The following PKIB variants were observed in gnomAD, a reference collection of about 807,000 sequenced individuals.
PKIB encodes the protein cAMP-dependent protein kinase inhibitor beta, also known as PKI-beta.
A neutral mutation model predicts 4.5 loss-of-function variants in PKIB; 2 were observed. The observed-to-expected ratio is 0.44, with a 90% CI of 0.18 to 1.39. PKIB has a LOEUF of 1.39. PKIB is among the 40% of genes most tolerant of loss of function. The pLI is 0.27. For missense variants in PKIB, 94 were observed against 92.6 expected (o/e 1.02, Z -0.06); for synonymous variants, 38 against 36.0 (o/e 1.06, Z -0.20).
chr6:122,560,397 C>A (rs1384555953), intron 2 of PKIB, among the ~76,000 whole-genome samples: 2 of 152,104 alleles, frequency 1.3e-5, no homozygotes, highest in East Asian at 3.8e-4. Context: ...ATGAAACCCA[C>A]TTGATCATGG....
intron 2 of PKIB, among the ~76,000 whole-genome samples, chr6:122,510,832 C>G (rs529668993): frequency 6.6e-6 from 1 of 152,204 alleles, no homozygotes; most frequent in East Asian, 1.9e-4. Context: ...GCAGGGTGAG[C>G]CTGAATGCCC....
At chr6:122,614,034 G>C in intron 1 of PKIB, among the ~76,000 whole-genome samples, 1 of 151,144 alleles carries the variant, frequency 6.6e-6, no homozygotes, top group East Asian at 2.0e-4. Flanking sequence ...TTACTGAACT[G>C]AGGTACACTT....
chr6:122,513,045 C>T (rs938539792), intron 2 of PKIB, among the ~76,000 whole-genome samples: 4 of 152,194 alleles, frequency 2.6e-5, no homozygotes, highest in African/African-American at 9.7e-5. Context: ...TTAACCATGA[C>T]ATGCCTGATG....
At chr6:122,631,028 G>A (rs1313507579) in intron 1 of PKIB, among the ~76,000 whole-genome samples, 1 of 152,100 alleles carries the variant, frequency 6.6e-6, no homozygotes, top group Admixed American at 6.6e-5. Context: ...CTTGAGCTGA[G>A]GCCACAGTGC....
chr6:122,686,979 C>T (rs1371233832), intron 3 of PKIB, among the ~76,000 whole-genome samples: 8 of 152,100 alleles, frequency 5.3e-5, no homozygotes, highest in Non-Finnish European at 1.5e-5. Context: ...GATGTGATCC[C>T]ATCTGTCCAT....
intron 4 of PKIB, among the ~76,000 whole-genome samples, chr6:122,718,278 G>T (rs6922058): frequency 0.99 from 150,138 of 152,308 alleles, 74,031 homozygotes; most frequent in Middle Eastern, 1. Context: ...GAGCTTTCAA[G>T]TTTATTAAGA....
intron 2 of PKIB, among the ~76,000 whole-genome samples, chr6:122,541,533 A>G (rs9401553): frequency 0.12 from 18,284 of 151,878 alleles, 1,296 homozygotes; most frequent in East Asian, 0.21. Context: ...TGTCTTGTAG[A>G]GTTTCTGCCG....
At chr6:122,572,178 A>G (rs1404811129) in intron 2 of PKIB, among the ~76,000 whole-genome samples, 2 of 152,138 alleles carry the variant, frequency 1.3e-5, no homozygotes, top group Non-Finnish European at 1.5e-5. Context: ...CTTTGAAACA[A>G]TACAATAAAA....
intron 3 of PKIB, among the ~76,000 whole-genome samples, chr6:122,591,982 T>C (rs897124385): frequency 6.6e-6 from 1 of 151,772 alleles, no homozygotes. Context: ...CAACACGTGG[T>C]ATTGAAAATG....
chr6:122,573,014 A>G (rs372183355), intron 2 of PKIB, among the ~76,000 whole-genome samples: 5 of 152,184 alleles, frequency 3.3e-5, no homozygotes, highest in Non-Finnish European at 5.9e-5. Flanking sequence ...TCAGGACCAG[A>G]TGGATTCATA....
chr6:122,473,441 A>G (rs951161880), intron 1 of PKIB, among the ~76,000 whole-genome samples: 1 of 152,328 alleles, frequency 6.6e-6, no homozygotes, highest in African/African-American at 2.4e-5. Flanking sequence ...TCAGAGTTAA[A>G]TACAAAAGTC....
At chr6:122,634,878 C>T (rs1226210914) in intron 2 of PKIB, among the ~76,000 whole-genome samples, 2 of 150,094 alleles carry the variant, frequency 1.3e-5, no homozygotes, top group African/African-American at 4.9e-5. Context: ...GGAGGCGGAG[C>T]TTGCAGTGAG....
intron 3 of PKIB, among the ~76,000 whole-genome samples, chr6:122,703,947 G>T (rs1430858217): frequency 0.031 from 2,884 of 92,992 alleles, 51 homozygotes; most frequent in East Asian, 0.098. Flanking sequence ...TATATAGAGA[G>T]AGAGAGAGAG....
intron 3 of PKIB, among the ~76,000 whole-genome samples, chr6:122,692,439 C>T (rs989077593): frequency 1.3e-5 from 2 of 152,226 alleles, no homozygotes; most frequent in African/African-American, 4.8e-5. Context: ...CTCCTTTCCA[C>T]AGCCAGAGGA....
intron 2 of PKIB, among the ~76,000 whole-genome samples, chr6:122,572,810 A>T (rs1002018800): frequency 6.6e-6 from 1 of 152,192 alleles, no homozygotes; most frequent in Non-Finnish European, 1.5e-5. Flanking sequence ...ATACTACAGA[A>T]ATAAAAAAAT....
chr6:122,684,565 G>C (rs1778023119), intron 3 of PKIB, among the ~76,000 whole-genome samples: 1 of 151,906 alleles, frequency 6.6e-6, no homozygotes. Flanking sequence ...AAAAATTATA[G>C]AAACCACCAT....
At chr6:122,537,926 C>CA (rs1459962678) in intron 2 of PKIB, among the ~76,000 whole-genome samples, 3 of 151,906 alleles carry the variant, frequency 2.0e-5, no homozygotes, top group Non-Finnish European at 4.4e-5. Flanking sequence ...CTCTGATGGC[C>CA]AGTGATGATG....
exon 1 of PKIB, chr6:122,471,957 T>C: frequency 4.6e-6 from 5 of 1,092,364 alleles, no homozygotes; most frequent in Non-Finnish European, 6.3e-6. Flanking sequence ...GCTGTCTTCT[T>C]TCCTGGAGAA....
chr6:122,509,220 G>T (rs9490462), intron 2 of PKIB, among the ~76,000 whole-genome samples: 20,603 of 152,034 alleles, frequency 0.14, 1,522 homozygotes, highest in East Asian at 0.26. Context: ...GTAATTTTTG[G>T]AAGAACCCAT....
Sources: gnomAD v4.1 joint callset for allele counts (sites outside exome capture counted in the v4.1 genomes callset) on GRCh38, gnomAD v4.1.1 for gene constraint, MANE v1.5 for transcripts, NCBI Gene and HGNC (gene_info 2026-07-23, HGNC 2026-07-21) for gene names.